Variants in KCNJ1 observed in about 807,000 individuals in gnomAD.
The protein encoded by KCNJ1 is potassium inwardly rectifying channel subfamily J member 1.
Under a neutral mutation model 21.9 loss-of-function variants are expected in KCNJ1, and 24 were observed. That is an observed-to-expected ratio of 1.10 (90% CI 0.79 to 1.54). The LOEUF is 1.54. KCNJ1 is among the 40% of genes most tolerant of loss of function. The probability of loss-of-function intolerance (pLI) is 0.00; values close to 1 mark genes in which losing one functional copy is unlikely to be tolerated. For missense variants in KCNJ1, 457 were observed against 455.4 expected, an observed-to-expected ratio of 1.00 and a Z score of -0.03; for synonymous variants, 152 against 160.9, an observed-to-expected ratio of 0.94 and a Z score of 0.42.
In KCNJ1 at chr11:128,839,142, C is replaced by G. The variant is rs1249945572; in HGVS notation, c.1102G>C (p.Asp368His). 1.9e-6 allele frequency: 3 copies of G among 1,613,830 alleles called. No homozygotes were observed. Among genetic ancestry groups the G allele is most frequent in the Non-Finnish European group, 2.5e-6 (3 of 1,180,024 alleles). The change falls in exon 3 of 3, where the codon GAT becomes CAT. Residue 368 changes from aspartate (D) to histidine (H), a missense_variant. By Grantham distance (81) the Asp-to-His change is moderately conservative. Coordinates refer to ENST00000392666, the MANE Select transcript of KCNJ1 (RefSeq NM_153766.3). ...NFILSEVNET[D>H]DTKM The stretch of plus-strand genomic sequence containing the variant: ...AGCCACTGTTACATTTTGGTGTCAT[C>G]TGTTTCATTGACTTCTGACAAGATG...
intron 1 of KCNJ1, among the ~76,000 whole-genome samples, chr11:128,857,135 G>A (rs1287915440): frequency 3.3e-5 from 5 of 152,060 alleles, no homozygotes; most frequent in East Asian, 1.9e-4. Flanking sequence ...CCTGGGCTTC[G>A]GCACCTGCTG....
rs931972760 is a variant in KCNJ1, at chr11:128,838,323, G to A, written c.*802C>T. 2 of 152,566 alleles carry A rather than the reference G, an allele frequency of 1.3e-5. No individual in the cohort carries two copies. Among genetic ancestry groups the A allele is most frequent in the Admixed American group, 6.5e-5 (1 of 15,280 alleles). The allele number at this position is 152,566 out of a possible 1,614,324, so 9.5% of individuals were successfully genotyped here. A position where few individuals can be genotyped will look rare whatever the true frequency, so the allele number is the denominator to read the frequency against. Reference sequence around the variant, plus strand: ...CATTCCAGTACAAACTCTAGGTGGAGGAACACATGAAACTGTTTCTTCTCA... The same window carrying A: ...CATTCCAGTACAAACTCTAGGTGGAAGAACACATGAAACTGTTTCTTCTCA... On this transcript the variant is annotated 3_prime_UTR_variant, in exon 3 of 3. Coordinates refer to ENST00000392666, the MANE Select transcript of KCNJ1 (RefSeq NM_153766.3).
At chr11:128,858,575 T>C (rs1367418440) in intron 1 of KCNJ1, among the ~76,000 whole-genome samples, 1 of 152,224 alleles carries the variant, frequency 6.6e-6, no homozygotes, top group Non-Finnish European at 1.5e-5. Flanking sequence ...TCCATAAAGT[T>C]TTCTTGAAAC....
At position 128,862,940 on chromosome 11, in the gene KCNJ1, TCA is replaced by T. The variant is rs1356574328; in HGVS notation, c.-192+4231_-192+4232del. Among the ~76,000 whole-genome samples, 3 of 152,170 alleles carry T rather than the reference TCA, an allele frequency of 2.0e-5. No individual in the cohort carries two copies. The East Asian group carries it at 5.8e-4, about 29-fold the overall frequency. On this transcript the variant is annotated intron_variant, in intron 1 of 2. Transcript: ENST00000392666. Reference sequence around the variant, plus strand: ...CTCGGACTCCAAGGGGCCACACACTTCACAGAGTCTTCTCCTGTGAAAAGACC... The same window carrying T: ...CTCGGACTCCAAGGGGCCACACACTTCAGAGTCTTCTCCTGTGAAAAGACC...
intron 2 of KCNJ1, among the ~76,000 whole-genome samples, chr11:128,847,677 G>C: frequency 6.6e-6 from 1 of 152,172 alleles, no homozygotes. Context: ...TTGGGTCCCA[G>C]TGGGAAGCGC....
chr11:128,862,465 T>C (rs1180519022), intron 1 of KCNJ1, among the ~76,000 whole-genome samples: 4 of 152,142 alleles, frequency 2.6e-5, no homozygotes, highest in Non-Finnish European at 4.4e-5. Flanking sequence ...GGATGGAGTA[T>C]TGGGAGAGGA....
intron 1 of KCNJ1, among the ~76,000 whole-genome samples, chr11:128,862,918 G>A (rs1026063705): frequency 9.9e-5 from 15 of 152,122 alleles, no homozygotes; most frequent in Admixed American, 2.0e-4. Context: ...CACTGGACTC[G>A]GACTCCAAGG....
intron 1 of KCNJ1, among the ~76,000 whole-genome samples, chr11:128,865,738 G>T (rs975621340): frequency 2.6e-4 from 39 of 152,044 alleles, no homozygotes; most frequent in Admixed American, 2.0e-3. Flanking sequence ...CAAGGTGCAG[G>T]GTAGACTCAT....
Position 128,860,803 on chromosome 11 carries a change from C to T in KCNJ1, c.-192+6370G>A, listed in dbSNP as rs945684317. On this transcript the variant is annotated intron_variant, in intron 1 of 2. Coordinates refer to ENST00000392666, the MANE Select transcript of KCNJ1 (RefSeq NM_153766.3). Reference sequence around the variant, plus strand: ...ACCACAGAGGAAAGTGCCCTGAAGGCCAGAGACCCAGCTCCAATTACCAGC... The same window carrying T: ...ACCACAGAGGAAAGTGCCCTGAAGGTCAGAGACCCAGCTCCAATTACCAGC... Among the ~76,000 whole-genome samples, 111 of 151,636 alleles carry T rather than the reference C, an allele frequency of 7.3e-4. 1 individual carries two copies. Among genetic ancestry groups the T allele is most frequent in the East Asian group, 1.9e-4 (1 of 5,194 alleles).
At chr11:128,854,527 G>A (rs694165) in intron 1 of KCNJ1, among the ~76,000 whole-genome samples, 151,587 of 152,144 alleles carry the variant, frequency 1, 75,517 homozygotes, top group East Asian at 1. Context: ...AGGAGAGAGA[G>A]GGATGGAACG....
At chr11:128,852,458 A>T (rs957744558) in intron 1 of KCNJ1, among the ~76,000 whole-genome samples, 1 of 152,192 alleles carries the variant, frequency 6.6e-6, no homozygotes, top group East Asian at 1.9e-4. Flanking sequence ...CAAAGGGTCA[A>T]TGATTACCAG....
chr11:128,854,314 A>G (rs7925428), intron 1 of KCNJ1, among the ~76,000 whole-genome samples: 65,575 of 151,918 alleles, frequency 0.43, 15,100 homozygotes, highest in African/African-American at 0.6. Context: ...TGAGCATTTT[A>G]TTCCTTGCCC....
intron 2 of KCNJ1, among the ~76,000 whole-genome samples, chr11:128,849,108 C>T (rs1357858685): frequency 1.3e-5 from 2 of 152,206 alleles, no homozygotes; most frequent in African/African-American, 2.4e-5. Context: ...TACAAAATCT[C>T]TTAAAGGTGT....
chr11:128,842,751 G>A (rs971118279), intron 2 of KCNJ1, among the ~76,000 whole-genome samples: 5 of 152,246 alleles, frequency 3.3e-5, no homozygotes, highest in African/African-American at 7.2e-5. Flanking sequence ...CCTTGGCCAC[G>A]CTCTATCGCT....
At chr11:128,841,223 G>C (rs1943276910) in intron 2 of KCNJ1, among the ~76,000 whole-genome samples, 1 of 152,170 alleles carries the variant, frequency 6.6e-6, no homozygotes, top group South Asian at 2.1e-4. Flanking sequence ...TCCAAAGCTG[G>C]AGGACTGGGG....
At chr11:128,849,457 G>A (rs995766630) in intron 2 of KCNJ1, among the ~76,000 whole-genome samples, 1 of 152,190 alleles carries the variant, frequency 6.6e-6, no homozygotes, top group Non-Finnish European at 1.5e-5. Context: ...AAAGGATCAG[G>A]AGGGGACAGT....
At chr11:128,859,681 C>T (rs1244939647) in intron 1 of KCNJ1, among the ~76,000 whole-genome samples, 1 of 152,206 alleles carries the variant, frequency 6.6e-6, no homozygotes, top group Non-Finnish European at 1.5e-5. Flanking sequence ...GCCCTCCCTC[C>T]TCACCTCCCT....
intron 1 of KCNJ1, among the ~76,000 whole-genome samples, chr11:128,864,828 C>T (rs1332290222): frequency 6.6e-6 from 1 of 152,158 alleles, no homozygotes; most frequent in South Asian, 2.1e-4. Flanking sequence ...TTTGTGTCTT[C>T]TCCCTCTTGG....
rs1383969083 is a variant in KCNJ1 at position 128,864,149 on chromosome 11, C to A, written c.-192+3024G>T. ...CCCAGGCTTGAGGAGTGCAGTGGCA[C>A]GATCTCAGCTCACTGCAACCTCCGC... On this transcript the variant is annotated intron_variant, in intron 1 of 2. Coordinates refer to ENST00000392666, the MANE Select transcript of KCNJ1 (RefSeq NM_153766.3). Among the ~76,000 whole-genome samples, 3 of 135,670 alleles carry A rather than the reference C, an allele frequency of 2.2e-5. No individual in the cohort carries two copies. In the Admixed American group the frequency reaches 2.4e-4, roughly 11 times the overall value. The allele number at this position is 135,670 out of a possible 152,430, so 89.0% of individuals were successfully genotyped here.
Sources: gnomAD v4.1 joint callset for allele counts (sites outside exome capture counted in the v4.1 genomes callset) on GRCh38, gnomAD v4.1.1 for gene constraint, MANE v1.5 for transcripts, NCBI Gene and HGNC (gene_info 2026-07-23, HGNC 2026-07-21) for gene names.